The following SLC2A13 variants were observed in gnomAD, a reference collection of about 807,000 sequenced individuals.
SLC2A13 encodes the protein proton myo-inositol cotransporter.
A neutral mutation model predicts 64.4 loss-of-function variants in SLC2A13; 32 were observed. That is an observed-to-expected ratio of 0.50 (90% CI 0.37 to 0.67). The LOEUF is 0.67. SLC2A13 is among the 30% of genes least tolerant of loss of function. The pLI is 0.00. For missense variants in SLC2A13, 743 were observed against 829.2 expected (o/e 0.90, Z 1.28); for synonymous variants, 338 against 327.1 (o/e 1.03, Z -0.36).
At chr12:39,809,025 T>C (rs1416065183) in intron 7 of SLC2A13, among the ~76,000 whole-genome samples, 1 of 152,170 alleles carries the variant, frequency 6.6e-6, no homozygotes, top group African/African-American at 2.4e-5. Flanking sequence ...TCCTTATAAA[T>C]GTTTTATGAT....
chr12:39,877,784 G>C (rs1944227910), intron 4 of SLC2A13, among the ~76,000 whole-genome samples: 1 of 152,136 alleles, frequency 6.6e-6, no homozygotes, highest in African/African-American at 2.4e-5. Flanking sequence ...GCAGTAGTTT[G>C]AATTTCTTCT....
intron 1 of SLC2A13, among the ~76,000 whole-genome samples, chr12:40,061,891 A>C (rs1290598612): frequency 6.6e-6 from 1 of 152,108 alleles, no homozygotes; most frequent in East Asian, 1.9e-4. Flanking sequence ...TTGAAAAATA[A>C]AGGAGGACTT....
chr12:39,899,367 C>G (rs1188352086), intron 4 of SLC2A13, among the ~76,000 whole-genome samples: 1 of 152,216 alleles, frequency 6.6e-6, no homozygotes, highest in East Asian at 1.9e-4. Context: ...TGATTCTCCT[C>G]TCTTTTCTTC....
At chr12:40,086,716 C>A (rs1421845702) in intron 1 of SLC2A13, among the ~76,000 whole-genome samples, 2 of 152,182 alleles carry the variant, frequency 1.3e-5, no homozygotes, top group African/African-American at 2.4e-5. Context: ...CAAGGAAGAA[C>A]TGGGCATTCA....
chr12:39,894,936 G>A (rs1000530986), intron 4 of SLC2A13, among the ~76,000 whole-genome samples: 2 of 152,162 alleles, frequency 1.3e-5, no homozygotes, highest in African/African-American at 4.8e-5. Flanking sequence ...ATGCTACAAG[G>A]AAAACTGGCT....
chr12:39,812,340 T>TTCTTG (rs1942190211), intron 7 of SLC2A13, among the ~76,000 whole-genome samples: 6 of 42,798 alleles, frequency 1.4e-4, no homozygotes, highest in Admixed American at 1.1e-3. Flanking sequence ...AATTTCTTTT[T>TTCTTG]TCTTTTCTTT....
intron 7 of SLC2A13, among the ~76,000 whole-genome samples, chr12:39,814,195 A>C (rs1942273797): frequency 6.6e-6 from 1 of 152,188 alleles, no homozygotes; most frequent in East Asian, 1.9e-4. Context: ...TCTGATGTAG[A>C]TTGTACTGCT....
At chr12:40,053,459 T>C (rs1221582696) in intron 1 of SLC2A13, among the ~76,000 whole-genome samples, 1 of 152,084 alleles carries the variant, frequency 6.6e-6, no homozygotes, top group Non-Finnish European at 1.5e-5. Context: ...CCTCTAACCT[T>C]TGTAATGTGC....
At chr12:39,959,373 C>T (rs537819741) in intron 3 of SLC2A13, among the ~76,000 whole-genome samples, 1 of 152,308 alleles carries the variant, frequency 6.6e-6, no homozygotes, top group South Asian at 2.1e-4. Flanking sequence ...ATCAATTTGC[C>T]AAGATGTTGT....
intron 3 of SLC2A13, among the ~76,000 whole-genome samples, chr12:39,955,972 T>TA (rs1192916997): frequency 6.6e-6 from 1 of 152,124 alleles, no homozygotes; most frequent in Non-Finnish European, 1.5e-5. Context: ...AGTAATCTAT[T>TA]ATAGTAACCA....
intron 3 of SLC2A13, among the ~76,000 whole-genome samples, chr12:39,963,286 C>CAAAAAAAAAA (rs71434304): frequency 8.9e-6 from 1 of 112,912 alleles, no homozygotes; most frequent in Non-Finnish European, 1.7e-5. Flanking sequence ...GACTCCGTCT[C>CAAAAAAAAAA]AAAAAAAAAA....
At chr12:39,919,960 C>T (rs544901008) in intron 4 of SLC2A13, among the ~76,000 whole-genome samples, 1 of 151,978 alleles carries the variant, frequency 6.6e-6, no homozygotes, top group East Asian at 1.9e-4. Context: ...CTTGGCACAC[C>T]TTGATACACT....
intron 7 of SLC2A13, among the ~76,000 whole-genome samples, chr12:39,798,628 G>C (rs752904315): frequency 1.3e-5 from 2 of 152,144 alleles, no homozygotes; most frequent in Non-Finnish European, 2.9e-5. Flanking sequence ...GTTTGGCCTC[G>C]TGGCAGGGCA....
chr12:40,036,524 C>T (rs1203990911), intron 2 of SLC2A13, among the ~76,000 whole-genome samples: 1 of 152,182 alleles, frequency 6.6e-6, no homozygotes, highest in Non-Finnish European at 1.5e-5. Flanking sequence ...GACCCCATTG[C>T]ACATTGATGA....
intron 7 of SLC2A13, among the ~76,000 whole-genome samples, chr12:39,767,601 G>C (rs1194685437): frequency 1.3e-5 from 2 of 152,034 alleles, no homozygotes; most frequent in Non-Finnish European, 2.9e-5. Flanking sequence ...TCTTCCAACA[G>C]AAGGCAGTTT....
Position 39,758,326 on chromosome 12 carries a change from C to T in SLC2A13, c.*1700G>A, listed in dbSNP as rs1416230957. 1 of 151,846 alleles carries T rather than the reference C, an allele frequency of 6.6e-6. No homozygotes were observed. Among genetic ancestry groups the T allele is most frequent in the Non-Finnish European group, 1.5e-5 (1 of 67,758 alleles). The allele number at this position is 151,846 out of a possible 1,614,324, so 9.4% of individuals were successfully genotyped here. ...TGAACTTCCTCAGCTGTATTCTCAGCTTGATAACTGTGATAGGAACAAGCC... is the reference window on the plus strand; with the variant it reads ...TGAACTTCCTCAGCTGTATTCTCAGTTTGATAACTGTGATAGGAACAAGCC... On this transcript the variant is annotated 3_prime_UTR_variant, in exon 10 of 10. Transcript: ENST00000280871.
chr12:39,771,061 C>A (rs1353842862), intron 7 of SLC2A13, among the ~76,000 whole-genome samples: 1 of 152,104 alleles, frequency 6.6e-6, no homozygotes, highest in Non-Finnish European at 1.5e-5. Flanking sequence ...ATGATATAGG[C>A]AAGAAACCAT....
intron 4 of SLC2A13, among the ~76,000 whole-genome samples, chr12:39,921,949 GC>G (rs969922199): frequency 6.6e-6 from 1 of 151,290 alleles, no homozygotes; most frequent in African/African-American, 2.5e-5. Flanking sequence ...CAACCCAGAA[GC>G]ATCAAGGTAT....
chr12:39,879,319 C>T (rs1356838995), intron 4 of SLC2A13, among the ~76,000 whole-genome samples: 1 of 152,206 alleles, frequency 6.6e-6, no homozygotes, highest in Non-Finnish European at 1.5e-5. Flanking sequence ...AAATGGGCCA[C>T]CATCCTCTAG....
Sources: gnomAD v4.1 joint callset for allele counts (sites outside exome capture counted in the v4.1 genomes callset) on GRCh38, gnomAD v4.1.1 for gene constraint, MANE v1.5 for transcripts, NCBI Gene and HGNC (gene_info 2026-07-23, HGNC 2026-07-21) for gene names.